Variants in PCLO observed in about 807,000 individuals in gnomAD.
PCLO encodes protein piccolo.
Under a neutral mutation model 427.5 loss-of-function variants are expected in PCLO, and 82 were observed. The observed-to-expected ratio is 0.19, with a 90% CI of 0.16 to 0.23. The LOEUF (loss-of-function observed/expected upper bound fraction) is 0.23. Ranked by LOEUF, PCLO falls within the 10% of genes least tolerant of loss-of-function variation. The pLI is 1.00. For missense variants in PCLO, 6,239 were observed against 6,115.9 expected (o/e 1.02, Z -0.67); for synonymous variants, 2,357 against 2,155.4 (o/e 1.09, Z -2.59).
At chr7:82,911,662 C>T (rs1048737746) in intron 7 of PCLO, among the ~76,000 whole-genome samples, 4 of 151,868 alleles carry the variant, frequency 2.6e-5, no homozygotes, top group Admixed American at 6.6e-5. Context: ...CTCACTCTGT[C>T]GCCAGGCAGG....
At chr7:82,889,324 C>A (rs957166257) in intron 9 of PCLO, among the ~76,000 whole-genome samples, 2 of 152,094 alleles carry the variant, frequency 1.3e-5, no homozygotes, top group Admixed American at 6.6e-5. Flanking sequence ...ATCTCTCCCT[C>A]ACCACCAGGA....
intron 22 of PCLO, among the ~76,000 whole-genome samples, chr7:82,799,244 A>C (rs535959956): frequency 6.6e-6 from 1 of 152,322 alleles, no homozygotes; most frequent in East Asian, 1.9e-4. Context: ...ATAGATGATC[A>C]TATTTGTTAT....
intron 7 of PCLO, among the ~76,000 whole-genome samples, chr7:82,913,441 T>C (rs1271311928): frequency 6.6e-6 from 1 of 152,076 alleles, no homozygotes; most frequent in Non-Finnish European, 1.5e-5. Context: ...CATGTTAGCT[T>C]AGTTCTTTGG....
intron 3 of PCLO, among the ~76,000 whole-genome samples, chr7:83,094,200 A>ATTT (rs61624053): frequency 9.3e-5 from 10 of 107,878 alleles, no homozygotes; most frequent in African/African-American, 1.7e-4. Context: ...TTTGGGACTG[A>ATTT]TTTTTTTTTC....
chr7:82,982,613 AAC>A (rs1283397995), intron 3 of PCLO, among the ~76,000 whole-genome samples: 1 of 150,484 alleles, frequency 6.6e-6, no homozygotes, highest in African/African-American at 2.5e-5. Context: ...TTTAAAAGCA[AAC>A]ACAAATTTTA....
intron 3 of PCLO, among the ~76,000 whole-genome samples, chr7:83,054,408 A>T (rs536605932): frequency 2.4e-4 from 37 of 152,176 alleles, no homozygotes; most frequent in African/African-American, 7.7e-4. Flanking sequence ...AATAAATGCC[A>T]AATATATTTA....
chr7:83,151,857 T>C (rs1321481937), intron 2 of PCLO, among the ~76,000 whole-genome samples: 1 of 152,178 alleles, frequency 6.6e-6, no homozygotes, highest in Non-Finnish European at 1.5e-5. Flanking sequence ...ACTACTTGAA[T>C]GCCAGTTTCC....
chr7:82,780,965 C>A (rs949331504), intron 22 of PCLO, among the ~76,000 whole-genome samples: 22 of 152,198 alleles, frequency 1.4e-4, no homozygotes, highest in South Asian at 4.2e-4. Flanking sequence ...TAATTTAATT[C>A]TTGGGAACAG....
chr7:83,083,935 T>C (rs1452555973), intron 3 of PCLO, among the ~76,000 whole-genome samples: 1 of 152,172 alleles, frequency 6.6e-6, no homozygotes, highest in East Asian at 1.9e-4. Context: ...TAAAACTTTT[T>C]CTGAGAACAA....
intron 3 of PCLO, among the ~76,000 whole-genome samples, chr7:83,086,156 C>A (rs181334186): frequency 4.7e-4 from 59 of 124,392 alleles, no homozygotes; most frequent in Middle Eastern, 7.8e-3. Flanking sequence ...GTCGCCCAGG[C>A]TGGAGTGCAA....
chr7:83,118,995 C>A (rs571419695), intron 3 of PCLO, among the ~76,000 whole-genome samples: 1 of 152,112 alleles, frequency 6.6e-6, no homozygotes, highest in Non-Finnish European at 1.5e-5. Context: ...TTTTATCTTG[C>A]AACTTGTGTA....
At chr7:82,941,674 A>G (rs1387921125) in intron 6 of PCLO, among the ~76,000 whole-genome samples, 2 of 152,228 alleles carry the variant, frequency 1.3e-5, no homozygotes, top group Non-Finnish European at 2.9e-5. Flanking sequence ...ATATATGCCT[A>G]TCAATAAGGT....
At chr7:82,861,557 C>A (rs1206666565) in intron 10 of PCLO, among the ~76,000 whole-genome samples, 1 of 151,946 alleles carries the variant, frequency 6.6e-6, no homozygotes, top group Non-Finnish European at 1.5e-5. Context: ...TAGCTGGAGA[C>A]TTCAAAACCC....
At chr7:82,919,932 T>C (rs1458078562) in intron 6 of PCLO, among the ~76,000 whole-genome samples, 2 of 151,950 alleles carry the variant, frequency 1.3e-5, no homozygotes, top group African/African-American at 4.8e-5. Flanking sequence ...ATAGAACCAT[T>C]AGAACCCCAC....
chr7:82,864,214 C>A (rs1793035957), intron 10 of PCLO, among the ~76,000 whole-genome samples: 1 of 152,006 alleles, frequency 6.6e-6, no homozygotes, highest in African/African-American at 2.4e-5. Context: ...TATTGAATTA[C>A]AATAAAACAT....
chr7:83,077,806 A>G (rs1331497823), intron 3 of PCLO, among the ~76,000 whole-genome samples: 1 of 152,102 alleles, frequency 6.6e-6, no homozygotes, highest in Non-Finnish European at 1.5e-5. Flanking sequence ...AAGTGAATAT[A>G]TAAAAAGAAG....
chr7:83,073,455 G>C (rs1039534248), intron 3 of PCLO, among the ~76,000 whole-genome samples: 2 of 151,956 alleles, frequency 1.3e-5, no homozygotes, highest in Non-Finnish European at 2.9e-5. Flanking sequence ...AGAGAAGATA[G>C]AAATGTAAAC....
At position 82,851,519 on chromosome 7, in the gene PCLO, G is replaced by A. The variant is rs113873848; in HGVS notation, c.13655-4272C>T. ...TAAATTATAATAGTTGTTCACAGAA[G>A]GGAGAGCAGAATGGGAAAATAAGAT... On this transcript the variant is annotated intron_variant, in intron 10 of 24. Coordinates refer to ENST00000333891, the MANE Select transcript of PCLO (RefSeq NM_033026.6). Among the ~76,000 whole-genome samples the A allele has an allele frequency of 3.8e-3, 572 of 151,772 alleles. 1 individual carries two copies. Among genetic ancestry groups the A allele is most frequent in the African/African-American group, 0.013 (537 of 41,340 alleles).
intron 6 of PCLO, among the ~76,000 whole-genome samples, chr7:82,936,803 T>C (rs1364542358): frequency 6.6e-6 from 1 of 151,600 alleles, no homozygotes; most frequent in Admixed American, 6.6e-5. Flanking sequence ...TAGAATAAAA[T>C]GGAATTCAAC....
Sources: gnomAD v4.1 joint callset for allele counts (sites outside exome capture counted in the v4.1 genomes callset) on GRCh38, gnomAD v4.1.1 for gene constraint, MANE v1.5 for transcripts, NCBI Gene and HGNC (gene_info 2026-07-23, HGNC 2026-07-21) for gene names.